SNTG1: variants seen among roughly 807,000 people sequenced by gnomAD.
SNTG1 encodes syntrophin gamma 1, also known as gamma-1-syntrophin.
Under a neutral mutation model 74.7 loss-of-function variants are expected in SNTG1, and 39 were observed. That is an observed-to-expected ratio of 0.52 (90% CI 0.40 to 0.68). SNTG1 has a LOEUF of 0.68. Among genes scored for constraint, SNTG1 ranks in the 30% least tolerant of loss-of-function variants. The pLI is 0.00. For synonymous variants in SNTG1, 254 were observed against 217.1 expected (o/e 1.17, Z -1.49); for missense variants, 685 against 609.5 (o/e 1.12, Z -1.30).
intron 5 of SNTG1, among the ~76,000 whole-genome samples, chr8:50,441,493 T>C (rs1313657716): frequency 1.3e-5 from 2 of 152,114 alleles, no homozygotes; most frequent in African/African-American, 4.8e-5. Flanking sequence ...CAGACCACAT[T>C]GAGGAGGGTT....
At chr8:50,537,843 G>T (rs1334572036) in intron 11 of SNTG1, among the ~76,000 whole-genome samples, 1 of 152,192 alleles carries the variant, frequency 6.6e-6, no homozygotes, top group South Asian at 2.1e-4. Flanking sequence ...ATAAATAAAT[G>T]AGCACACCTT....
intron 9 of SNTG1, among the ~76,000 whole-genome samples, chr8:50,528,640 AT>A (rs535242849): frequency 2.0e-5 from 3 of 151,322 alleles, no homozygotes; most frequent in South Asian, 4.2e-4. Flanking sequence ...TTTTGGTTAG[AT>A]TTTTTTTAAT....
chr8:50,677,804 A>T (rs1331666576), intron 15 of SNTG1, among the ~76,000 whole-genome samples: 1 of 152,046 alleles, frequency 6.6e-6, no homozygotes, highest in African/African-American at 2.4e-5. Flanking sequence ...ATATATTTTT[A>T]ATGATACAGT....
At chr8:49,932,546 A>T (rs1034457052) in intron 1 of SNTG1, among the ~76,000 whole-genome samples, 1 of 145,406 alleles carries the variant, frequency 6.9e-6, no homozygotes, top group Non-Finnish European at 1.5e-5. Flanking sequence ...TTATGTCTTT[A>T]AAAAAAAAAT....
chr8:50,421,708 T>C (rs768909355), intron 4 of SNTG1, among the ~76,000 whole-genome samples: 5 of 152,232 alleles, frequency 3.3e-5, no homozygotes, highest in Admixed American at 6.5e-5. Context: ...GTGAGGACCA[T>C]AGGCTCTTGG....
chr8:50,309,521 C>G (rs1214353394), intron 2 of SNTG1, among the ~76,000 whole-genome samples: 1 of 152,172 alleles, frequency 6.6e-6, no homozygotes, highest in Non-Finnish European at 1.5e-5. Flanking sequence ...GCTCATACTT[C>G]AACGAGATGA....
chr8:50,279,707 T>C (rs1242634276), intron 2 of SNTG1, among the ~76,000 whole-genome samples: 1 of 152,174 alleles, frequency 6.6e-6, no homozygotes, highest in Non-Finnish European at 1.5e-5. Context: ...ATGACCCAGA[T>C]AAATTACTAT....
At chr8:50,652,098 A>G (rs764876178) in intron 13 of SNTG1, among the ~76,000 whole-genome samples, 27 of 152,216 alleles carry the variant, frequency 1.8e-4, no homozygotes, top group Non-Finnish European at 3.4e-4. Context: ...ATGTTGCTTA[A>G]TTTTCAAATC....
At chr8:50,464,282 G>T (rs1319799218) in intron 8 of SNTG1, among the ~76,000 whole-genome samples, 1 of 152,028 alleles carries the variant, frequency 6.6e-6, no homozygotes, top group Non-Finnish European at 1.5e-5. Context: ...TTACAACCTG[G>T]CTAACTGCTT....
At chr8:50,395,146 T>C (rs1277048189) in intron 3 of SNTG1, among the ~76,000 whole-genome samples, 1 of 152,168 alleles carries the variant, frequency 6.6e-6, no homozygotes, top group East Asian at 1.9e-4. Flanking sequence ...CTTATTTTCT[T>C]CTAAAGCAAT....
chr8:50,093,563 A>G (rs948790021), intron 1 of SNTG1, among the ~76,000 whole-genome samples: 1 of 152,108 alleles, frequency 6.6e-6, no homozygotes, highest in Non-Finnish European at 1.5e-5. Flanking sequence ...CTGGACTAGA[A>G]CTTCATTCCT....
At chr8:50,214,652 T>C (rs1482081132) in intron 2 of SNTG1, among the ~76,000 whole-genome samples, 1 of 152,156 alleles carries the variant, frequency 6.6e-6, no homozygotes, top group Non-Finnish European at 1.5e-5. Flanking sequence ...TCCTTGGTGT[T>C]CTTTGTGTAA....
At position 50,725,752 on chromosome 8, in the gene SNTG1, C is replaced by G. The variant is rs576084082; in HGVS notation, c.1284+16774C>G. Among the ~76,000 whole-genome samples, 14 of 152,280 alleles carry G rather than the reference C, an allele frequency of 9.2e-5. No homozygotes were observed. In the South Asian group the frequency reaches 2.1e-3, roughly 23 times the overall value. The stretch of plus-strand genomic sequence containing the variant: ...ACCTGAAGAAACAAGCTGCCTTTAG[C>G]ACCTCATATCCAGATGCACTTAGTT... On this transcript the variant is annotated intron_variant, in intron 17 of 18. Coordinates refer to ENST00000642720, the MANE Select transcript of SNTG1 (RefSeq NM_018967.5).
intron 1 of SNTG1, among the ~76,000 whole-genome samples, chr8:50,061,900 T>C (rs1004849672): frequency 5.9e-5 from 9 of 152,188 alleles, no homozygotes; most frequent in Admixed American, 2.0e-4. Context: ...TGGTGAATGC[T>C]TCTTGTCTAT....
chr8:50,395,879 C>A lies in SNTG1; in HGVS notation c.27+1614C>A, dbSNP rs1414747323. On this transcript the variant is annotated intron_variant, in intron 3 of 18. Transcript: ENST00000642720. ...TCTTCTATTTCCATTAATGTGCAAC[C>A]TTATGTCTTGAGTAGTAAGGCATTC... 2.0e-5 allele frequency among the ~76,000 whole-genome samples: 3 copies of A among 152,198 alleles called. No homozygotes were observed. The East Asian group carries it at 5.8e-4, about 29-fold the overall frequency.
At chr8:49,964,332 C>G (rs7005049) in intron 1 of SNTG1, among the ~76,000 whole-genome samples, 7,444 of 152,272 alleles carry the variant, frequency 0.049, 605 homozygotes, top group African/African-American at 0.17. Context: ...TGCCCTGGGT[C>G]TGCAACTAGC....
At position 50,285,842 on chromosome 8, in the gene SNTG1, A is replaced by G. The variant is rs1442654654; in HGVS notation, c.-27-108370A>G. Among the ~76,000 whole-genome samples the G allele has an allele frequency of 1.3e-5, 2 of 152,052 alleles. 1 individual carries two copies. Among genetic ancestry groups the G allele is most frequent in the Middle Eastern group, 6.3e-3 (2 of 316 alleles). ...AAAAAAAAAAACAAAGGTGCTTATT[A>G]ACGTGACAATGAACAATATAATTAT... On this transcript the variant is annotated intron_variant, in intron 2 of 18. Coordinates refer to ENST00000642720, the MANE Select transcript of SNTG1 (RefSeq NM_018967.5).
chr8:50,658,558 A>G, intron 14 of SNTG1, 34 bp from the exon 15 acceptor site: 1 of 1,491,982 alleles, frequency 6.7e-7, no homozygotes, highest in Non-Finnish European at 9.2e-7. Context: ...AACTTTCTAA[A>G]ACAAATTAAA....
intron 8 of SNTG1, among the ~76,000 whole-genome samples, chr8:50,454,084 A>G (rs984735434): frequency 6.6e-6 from 1 of 152,200 alleles, no homozygotes; most frequent in African/African-American, 2.4e-5. Flanking sequence ...TACTGATGTT[A>G]ATTAACACTG....
Sources: gnomAD v4.1 joint callset for allele counts (sites outside exome capture counted in the v4.1 genomes callset) on GRCh38, gnomAD v4.1.1 for gene constraint, MANE v1.5 for transcripts, NCBI Gene and HGNC (gene_info 2026-07-23, HGNC 2026-07-21) for gene names.